The following MEF2C variants were observed in gnomAD, a reference collection of about 807,000 sequenced individuals.
The protein encoded by MEF2C is myocyte enhancer factor 2C.
Under a neutral mutation model 50.5 loss-of-function variants are expected in MEF2C, and 6 were observed. That is an observed-to-expected ratio of 0.12 (90% confidence interval 0.07 to 0.23). The LOEUF is 0.23. Ranked by LOEUF, MEF2C falls within the 10% of genes least tolerant of loss-of-function variation. The pLI is 1.00. For missense variants in MEF2C, 276 were observed against 605.0 expected (o/e 0.46, Z 5.70); for synonymous variants, 183 against 228.0 (o/e 0.80, Z 1.78).
chr5:88,884,430 G>C (rs1361025018), upstream of MEF2C: 1 of 152,212 alleles, frequency 6.6e-6, no homozygotes, highest in African/African-American at 2.4e-5. Flanking sequence ...TGGAGCGCTA[G>C]AAAGCGAGCC....
intron 1 of MEF2C, among the ~76,000 whole-genome samples, chr5:88,831,040 A>T (rs990846574): frequency 6.6e-6 from 1 of 152,154 alleles, no homozygotes; most frequent in African/African-American, 2.4e-5. Context: ...TGATAAAAAC[A>T]TCTAAATTCC....
chr5:88,811,687 C>T lies in MEF2C; in HGVS notation c.55-6886G>A, dbSNP rs138243508. On this transcript the variant is annotated intron_variant, in intron 2 of 10. Coordinates refer to ENST00000504921, the MANE Select transcript of MEF2C (RefSeq NM_002397.5). ...TAAAATAACTTTTTTTGTAGCTAGA[C>T]GAGACACAAAAGACTGTAAAGAATT... Among the ~76,000 whole-genome samples the T allele has an allele frequency of 2.3e-3, 348 of 151,824 alleles. 2 individuals carry two copies. Among genetic ancestry groups the T allele is most frequent in the African/African-American group, 8.1e-3 (335 of 41,418 alleles).
chr5:88,718,193 T>A lies in MEF2C; in HGVS notation c.*4411A>T, dbSNP rs950213550. On this transcript the variant is annotated 3_prime_UTR_variant, in exon 11 of 11. Transcript: ENST00000504921. ...AAAAAACACAATAAAATTGAATAAA[T>A]TTAAACAGCAAAACATTAATTTAAA... is the stretch of plus-strand genomic sequence containing the variant. 10 of 152,210 alleles carry A rather than the reference T, an allele frequency of 6.6e-5. No homozygotes were observed. Among genetic ancestry groups the A allele is most frequent in the Non-Finnish European group, 1.5e-4 (10 of 68,036 alleles). 9.4% of individuals were successfully genotyped at this position (152,210 alleles called of 1,614,324 possible).
At chr5:88,856,721 C>A (rs542464136) in intron 1 of MEF2C, among the ~76,000 whole-genome samples, 3 of 152,228 alleles carry the variant, frequency 2.0e-5, no homozygotes, top group African/African-American at 7.2e-5. Context: ...GCGGCTTACA[C>A]GTGGTGTTGG....
intron 1 of MEF2C, among the ~76,000 whole-genome samples, chr5:88,876,973 TC>T (rs1831261935): frequency 6.6e-6 from 1 of 152,012 alleles, no homozygotes; most frequent in East Asian, 1.9e-4. Context: ...ATCAGTTAGT[TC>T]CTCCAGCCTC....
At chr5:88,861,369 A>G (rs1041489524) in intron 1 of MEF2C, among the ~76,000 whole-genome samples, 1 of 152,328 alleles carries the variant, frequency 6.6e-6, no homozygotes, top group East Asian at 1.9e-4. Context: ...GGAGATTCCA[A>G]TGTGAAGCCA....
Position 88,722,677 on chromosome 5 carries a change from G to A in MEF2C, c.1349C>T (p.Thr450Ile). The A allele has an allele frequency of 6.2e-7, 1 of 1,613,944 alleles. No individual in the cohort carries two copies. The highest frequency in any genetic ancestry group is 8.5e-7 in the Non-Finnish European group (1 of 1,179,884). Residue 450 changes from threonine to isoleucine, a missense_variant, in exon 11 of 11, where the codon ACC (threonine) becomes ATC (isoleucine). Around this residue, in one of 2 missense-constraint regions of MEF2C, gnomAD observed 256 missense variants for 468.1 expected, o/e 0.55. Coordinates refer to ENST00000504921, the MANE Select transcript of MEF2C (RefSeq NM_002397.5). The part of the protein sequence containing the change: ...RNEFHSPIGL[T>I]RPSPDERESP... ...TTCCCTTTCGTCCGGCGAAGGTCTG[G>A]TGAGTCCAATGGGGGAGTGGAATTC... is the stretch of plus-strand genomic sequence containing the variant.
intron 1 of MEF2C, among the ~76,000 whole-genome samples, chr5:88,893,709 G>A (rs954700147): frequency 8.5e-5 from 13 of 152,052 alleles, no homozygotes; most frequent in African/African-American, 2.7e-4. Context: ...TAGAAATTGT[G>A]GAACAAGGAG....
chr5:88,873,614 G>A (rs550724305), intron 1 of MEF2C, among the ~76,000 whole-genome samples: 2 of 151,106 alleles, frequency 1.3e-5, no homozygotes, highest in African/African-American at 4.9e-5. Flanking sequence ...AAGGGATATT[G>A]CCGATTCATT....
At chr5:88,899,156 T>C (rs1182069949) in intron 1 of MEF2C, among the ~76,000 whole-genome samples, 4 of 152,182 alleles carry the variant, frequency 2.6e-5, no homozygotes, top group Admixed American at 2.0e-4. Flanking sequence ...ATGAGACTTT[T>C]TGTATTATGT....
intron 1 of MEF2C, among the ~76,000 whole-genome samples, chr5:88,829,811 C>T (rs1812343869): frequency 1.3e-5 from 2 of 151,924 alleles, no homozygotes; most frequent in Admixed American, 1.3e-4. Flanking sequence ...TATTTAATCC[C>T]TTGGAACTGT....
At chr5:88,728,266 A>G (rs554357160) in intron 10 of MEF2C, among the ~76,000 whole-genome samples, 1 of 152,308 alleles carries the variant, frequency 6.6e-6, no homozygotes, top group Non-Finnish European at 1.5e-5. Context: ...AGCCTAAAAC[A>G]ATAAGGAAAG....
At chr5:88,758,687 G>A (rs2152627891) in intron 4 of MEF2C, among the ~76,000 whole-genome samples, 1 of 152,270 alleles carries the variant, frequency 6.6e-6, no homozygotes, top group African/African-American at 2.4e-5. Context: ...AGAGCGATGT[G>A]CAAAAACTGG....
At chr5:88,802,833 A>T (rs770683181) in intron 3 of MEF2C, among the ~76,000 whole-genome samples, 43 of 152,204 alleles carry the variant, frequency 2.8e-4, no homozygotes, top group Non-Finnish European at 5.0e-4. Context: ...TAGGTTTTAA[A>T]CTCCTTTAAG....
At chr5:88,884,804 A>G (rs1391964606), upstream of MEF2C, among the ~76,000 whole-genome samples, 1 of 152,014 alleles carries the variant, frequency 6.6e-6, no homozygotes, top group Non-Finnish European at 1.5e-5. Context: ...CCTTACAAAA[A>G]AAAAAAAAAA....
chr5:88,809,485 C>T (rs1801894648), intron 2 of MEF2C, among the ~76,000 whole-genome samples: 1 of 152,100 alleles, frequency 6.6e-6, no homozygotes, highest in Non-Finnish European at 1.5e-5. Context: ...CTCCCTTGTT[C>T]ATATCAGTTC....
At chr5:88,875,651 G>A (rs1311396960) in intron 1 of MEF2C, among the ~76,000 whole-genome samples, 1 of 151,962 alleles carries the variant, frequency 6.6e-6, no homozygotes, top group African/African-American at 2.4e-5. Context: ...CCACTTTGCA[G>A]TTAATGTCTT....
At chr5:88,884,170 T>C (rs904493407), upstream of MEF2C, among the ~76,000 whole-genome samples, 3 of 152,246 alleles carry the variant, frequency 2.0e-5, no homozygotes, top group Non-Finnish European at 4.4e-5. Flanking sequence ...CCGGGGACGC[T>C]GCGAGCCAGC....
chr5:88,757,974 C>T (rs1008897267), intron 4 of MEF2C, among the ~76,000 whole-genome samples: 5 of 151,872 alleles, frequency 3.3e-5, no homozygotes, highest in Non-Finnish European at 7.4e-5. Flanking sequence ...ACCTACTCAG[C>T]GTAATTCTAC....
Sources: gnomAD v4.1 joint callset for allele counts (sites outside exome capture counted in the v4.1 genomes callset) on GRCh38, gnomAD v4.1.1 for gene constraint, gnomAD v4.1.1 regional missense constraint, MANE v1.5 for transcripts, NCBI Gene and HGNC (gene_info 2026-07-23, HGNC 2026-07-21) for gene names.